The following DNAH2 variants were observed in gnomAD, a reference collection of about 807,000 sequenced individuals.
The protein encoded by DNAH2 is axonemal beta dynein heavy chain 2.
Under a neutral mutation model 523.5 loss-of-function variants are expected in DNAH2, and 323 were observed. The ratio of observed to expected loss-of-function variants is 0.62; its 90% confidence interval spans 0.56 to 0.68. The LOEUF is 0.68. Ranked by LOEUF, DNAH2 falls within the 30% of genes least tolerant of loss-of-function variation. The probability of loss-of-function intolerance (pLI) is 0.00; values close to 1 mark genes in which losing one functional copy is unlikely to be tolerated. For synonymous variants in DNAH2, 2,093 were observed against 2,177.4 expected, an observed-to-expected ratio of 0.96 and a Z score of 1.08; for missense variants, 4,907 against 5,701.5, an observed-to-expected ratio of 0.86 and a Z score of 4.49.
rs569135898 is a variant in DNAH2, at chr17:7,770,832, G to A, written c.4261G>A (p.Ala1421Thr). The change falls in exon 27 of 86, where the codon GCC becomes ACC. Residue 1421 changes from alanine to threonine, a missense_variant. By Grantham distance (58) the Ala-to-Thr change is moderately conservative (BLOSUM62 0). Around this residue, in one of 3 missense-constraint regions of DNAH2, gnomAD observed 2,806 missense variants for 3,190.8 expected, o/e 0.88. Coordinates refer to ENST00000572933, the MANE Select transcript of DNAH2 (RefSeq NM_020877.5). ...CATGAAGGCATCACGCTTTGTCAAGGCCTTTGAGAAGGATGTGGACCACTG... is the reference window on the plus strand; with the variant it reads ...CATGAAGGCATCACGCTTTGTCAAGACCTTTGAGAAGGATGTGGACCACTG... ...STMKASRFVK[A>T]FEKDVDHWER... 3 of 1,614,208 alleles carry A rather than the reference G, an allele frequency of 1.9e-6. 1 individual carries two copies. The highest frequency in any genetic ancestry group is 2.7e-5 in the African/African-American group (2 of 75,052).
chr17:7,788,309 C>T, intron 44 of DNAH2, 65 bp downstream of exon 44: 1 of 1,486,722 alleles, frequency 6.7e-7, no homozygotes, highest in South Asian at 1.3e-5. Flanking sequence ...AGAACAACTT[C>T]TGGGAAACGG....
rs763037349 is a variant in DNAH2, at chr17:7,766,459, A to G, written c.3653A>G (p.Lys1218Arg). Reference sequence around the variant, plus strand: ...TTCAAGATCGAGCAGCCACCCTCCAAGGACCTTCAGAACCTGGAGAAGGTG... The same window carrying G: ...TTCAAGATCGAGCAGCCACCCTCCAGGGACCTTCAGAACCTGGAGAAGGTG... ...GIFKIEQPPS[K>R]DLQNLEKELD... The change falls in exon 22 of 86, where the codon AAG becomes AGG. Residue 1218 changes from lysine to arginine, a missense_variant. Lys to Arg is a conservative substitution (Grantham distance 26). Coordinates refer to ENST00000572933, the MANE Select transcript of DNAH2 (RefSeq NM_020877.5). 2 of 1,613,844 alleles carry G rather than the reference A, an allele frequency of 1.2e-6. No individual in the cohort carries two copies. Among genetic ancestry groups the G allele is most frequent in the Admixed American group, 3.3e-5 (2 of 60,012 alleles).
chr17:7,766,442 C>G lies in DNAH2; in HGVS notation c.3636C>G (p.Ile1212Met), dbSNP rs137948010. ...SLRANLGIFK[I>M]EQPPSKDLQN... is the part of the protein sequence containing the mutation. Reference sequence around the variant, plus strand: ...GAGCCAACCTGGGCATCTTCAAGATCGAGCAGCCACCCTCCAAGGACCTTC... The same window carrying G: ...GAGCCAACCTGGGCATCTTCAAGATGGAGCAGCCACCCTCCAAGGACCTTC... The change falls in exon 22 of 86, where the codon ATC becomes ATG. Residue 1212 changes from isoleucine (I) to methionine (M), a missense_variant. Physicochemically the swap from Ile to Met is conservative, Grantham distance 10 (BLOSUM62 1). Coordinates refer to ENST00000572933, the MANE Select transcript of DNAH2 (RefSeq NM_020877.5). 4 of 1,613,782 alleles carry G rather than the reference C, an allele frequency of 2.5e-6. No homozygotes were observed. Among genetic ancestry groups the G allele is most frequent in the African/African-American group, 1.3e-5 (1 of 74,868 alleles).
Position 7,737,076 on chromosome 17 carries a change from C to T in DNAH2, c.988C>T (p.Arg330Cys), listed in dbSNP as rs768714713. 3.7e-5 allele frequency: 59 copies of T among 1,613,462 alleles called. No homozygotes were observed. In the South Asian group the frequency reaches 4.0e-4, roughly 11 times the overall value. The stretch of plus-strand genomic sequence containing the variant: ...CTCTCTTTACTGCCAGGATGGCTCT[C>T]GTCAAGCACAGTCAAACCTGACCTT... Reference protein sequence around the residue: ...KLAQQIQDGSRQAQSNLTFLS... With the variant: ...KLAQQIQDGSCQAQSNLTFLS... The change falls in exon 8 of 86, where the codon CGT (arginine) becomes TGT (cysteine). Residue 330 changes from arginine to cysteine, a missense_variant. By Grantham distance (180) the Arg-to-Cys change is radical. Around this residue, in one of 3 missense-constraint regions of DNAH2, gnomAD observed 2,806 missense variants for 3,190.8 expected, o/e 0.88. Transcript: ENST00000572933.
In DNAH2 at chr17:7,830,641, G is replaced by C. The variant is rs1265248852; in HGVS notation, c.12046-17G>C. ...CATAACTCTGGGAATGGGGGCTTGG[G>C]CTGGGATCATGCCTAGGTGTCAGAA... On this transcript the variant is annotated splice_polypyrimidine_tract_variant and intron_variant, in intron 78 of 85. Transcript: ENST00000572933. The C allele has an allele frequency of 1.9e-6, 3 of 1,613,362 alleles. No individual in the cohort carries two copies. Among genetic ancestry groups the C allele is most frequent in the Non-Finnish European group, 2.5e-6 (3 of 1,179,322 alleles).
chr17:7,821,479 T>A lies in DNAH2; in HGVS notation c.11142+110T>A. ...GGGTCAGGCCCACAGCATCAGTGAG[T>A]GAGCTGAGAAAATCCAGGCCAGCAT... On this transcript the variant is annotated intron_variant, in intron 73 of 85. Transcript: ENST00000572933. This position sits in a 1 kb window ranked among gnomAD's most constrained non-coding sequence, Gnocchi z 5.0. 1.4e-6 allele frequency: 2 copies of A among 1,408,032 alleles called. No homozygotes were observed. Among genetic ancestry groups the A allele is most frequent in the South Asian group, 3.0e-5 (2 of 67,416 alleles). 87.2% of individuals were successfully genotyped at this position (1,408,032 alleles called of 1,614,324 possible). A position where few individuals can be genotyped will look rare whatever the true frequency, so the allele number is the denominator to read the frequency against.
intron 52 of DNAH2, 70 bp from the exon 53 acceptor site, chr17:7,797,610 A>C: frequency 6.2e-7 from 1 of 1,613,734 alleles, no homozygotes; most frequent in Non-Finnish European, 8.5e-7. Context: ...ATGGGGTCTG[A>C]AGTGTGGAGC....
intron 44 of DNAH2, among the ~76,000 whole-genome samples, chr17:7,789,495 G>A (rs1469961716): frequency 6.6e-6 from 1 of 152,180 alleles, no homozygotes; most frequent in Non-Finnish European, 1.5e-5. Flanking sequence ...GAAAGGCTGG[G>A]AGCACAGACT....
intron 32 of DNAH2, 52 bp downstream of exon 32, chr17:7,776,941 G>A: frequency 6.8e-7 from 1 of 1,477,784 alleles, no homozygotes; most frequent in South Asian, 1.2e-5. Flanking sequence ...ACTTTGGGAG[G>A]CAGAGGTGGT....
chr17:7,827,692 C>T (rs1049170746), intron 77 of DNAH2, among the ~76,000 whole-genome samples: 3 of 151,902 alleles, frequency 2.0e-5, no homozygotes, highest in Non-Finnish European at 2.9e-5. Flanking sequence ...GTGATCCACC[C>T]GCCTCAGCCT....
rs756676347 is a variant in DNAH2, at chr17:7,740,572, T to A, written c.1506+23T>A. The A allele has an allele frequency of 2.2e-5, 35 of 1,610,534 alleles. No individual in the cohort carries two copies. The South Asian group carries it at 3.8e-4, about 18-fold the overall frequency. Reference sequence around the variant, plus strand: ...GAGGTGCGGCTGCCCCGCGGCTTCCTCGGCTTCCCGTCCCGCGTGCTTTCC... The same window carrying A: ...GAGGTGCGGCTGCCCCGCGGCTTCCACGGCTTCCCGTCCCGCGTGCTTTCC... On this transcript the variant is annotated intron_variant, in intron 10 of 85. Transcript: ENST00000572933.
chr17:7,783,059 G>A (rs927191204), intron 39 of DNAH2, among the ~76,000 whole-genome samples: 14 of 152,094 alleles, frequency 9.2e-5, no homozygotes, highest in African/African-American at 3.4e-4. Context: ...GTCTTCAGGA[G>A]GACTGTTTTT....
At chr17:7,737,376 C>T (rs2075172904) in intron 8 of DNAH2, 118 bp downstream of exon 8, 2 of 1,114,288 alleles carry the variant, frequency 1.8e-6, no homozygotes, top group African/African-American at 3.1e-5. Flanking sequence ...GATTGCCCTT[C>T]TGCTCAGAGA....
rs1392573341 is a variant in DNAH2, at chr17:7,832,755, C to T, written c.12903C>T (p.Asn4301=). Residue 4301 remains asparagine (N), a splice_region_variant and synonymous_variant, in exon 83 of 86, where the codon AAC becomes AAT. Coordinates refer to ENST00000572933, the MANE Select transcript of DNAH2 (RefSeq NM_020877.5). This position sits in a 1 kb window ranked among gnomAD's most constrained non-coding sequence, Gnocchi z 4.3. The part of the protein sequence containing the change: ...AVLQSSARQN[N]VSVDSLSWEF... ...TGCAGTCTTCAGCTCGCCAAAACAA[C>T]GTGAGCAATGTGCAAAGTGTGAGGG... is the stretch of plus-strand genomic sequence containing the variant. 4 of 1,613,988 alleles carry T rather than the reference C, an allele frequency of 2.5e-6. No homozygotes were observed. Among genetic ancestry groups the T allele is most frequent in the Non-Finnish European group, 3.4e-6 (4 of 1,180,036 alleles).
Position 7,770,803 on chromosome 17 carries a change from C to T in DNAH2, c.4232C>T (p.Ser1411Phe). 10 of 1,614,178 alleles carry T rather than the reference C, an allele frequency of 6.2e-6. No homozygotes were observed. Among genetic ancestry groups the T allele is most frequent in the Non-Finnish European group, 8.5e-6 (10 of 1,180,012 alleles). Residue 1411 changes from serine (S) to phenylalanine (F), a missense_variant, in exon 27 of 86, where the codon TCT (serine) becomes TTT (phenylalanine). Physicochemically the swap from Ser to Phe is radical, Grantham distance 155 (BLOSUM62 -2). Coordinates refer to ENST00000572933, the MANE Select transcript of DNAH2 (RefSeq NM_020877.5). ...QALEDNQVAL[S>F]TMKASRFVKA... ...CTGGAAGATAACCAGGTAGCTCTGT[C>T]TACCATGAAGGCATCACGCTTTGTC...
rs146567143 is a variant in DNAH2 at position 7,770,419 on chromosome 17, C to T, written c.4098+11C>T. ...CTGGCTATAGAAGTGGTACGACAGT[C>T]CCCTCCCATGCTCCCACACCTCCTG... On this transcript the variant is annotated intron_variant, in intron 25 of 85. Coordinates refer to ENST00000572933, the MANE Select transcript of DNAH2 (RefSeq NM_020877.5). 6.2e-7 allele frequency: 1 copy of T among 1,611,148 alleles called. No individual in the cohort carries two copies. The highest frequency in any genetic ancestry group is 2.2e-5 in the East Asian group (1 of 44,874).
chr17:7,781,809 T>G (rs893077397), intron 39 of DNAH2, among the ~76,000 whole-genome samples: 1 of 152,184 alleles, frequency 6.6e-6, no homozygotes, highest in African/African-American at 2.4e-5. Context: ...ATGCCTCTAC[T>G]TCTCACCTCA....
At chr17:7,775,655 A>G (rs1016797447) in intron 30 of DNAH2, among the ~76,000 whole-genome samples, 4 of 150,494 alleles carry the variant, frequency 2.7e-5, no homozygotes, top group African/African-American at 9.8e-5. Context: ...ATTGTACTCC[A>G]GCCTGGGGAA....
Position 7,821,174 on chromosome 17 carries a change from T to A in DNAH2, c.11016-69T>A. 1 of 1,564,636 alleles carries A rather than the reference T, an allele frequency of 6.4e-7. No individual in the cohort carries two copies. Among genetic ancestry groups the A allele is most frequent in the Non-Finnish European group, 8.7e-7 (1 of 1,151,014 alleles). ...GTGAAGCTGTGTGATAGTAGCATCA[T>A]AGCATTCGCATGGAGCATCAGCCCC... On this transcript the variant is annotated intron_variant, in intron 72 of 85. Transcript: ENST00000572933. This position sits in a 1 kb window ranked among gnomAD's most constrained non-coding sequence, Gnocchi z 5.0.
Sources: gnomAD v4.1 joint callset for allele counts (sites outside exome capture counted in the v4.1 genomes callset) on GRCh38, gnomAD v4.1.1 for gene constraint, gnomAD v4.1.1 regional missense constraint, Gnocchi (gnomAD v3.1) non-coding constraint, MANE v1.5 for transcripts, NCBI Gene and HGNC (gene_info 2026-07-23, HGNC 2026-07-21) for gene names.